The following GPD2 variants were observed in gnomAD, a reference collection of about 807,000 sequenced individuals.
GPD2 encodes glycerol-3-phosphate dehydrogenase, mitochondrial.
GPD2 carries 54 observed loss-of-function variants against 82.4 expected under a neutral mutation model. That is an observed-to-expected ratio of 0.66 (90% CI 0.53 to 0.82). The LOEUF is 0.82. GPD2 is among the 40% of genes least tolerant of loss of function. The pLI, the probability that GPD2 is intolerant of heterozygous loss-of-function variation, is 0.00. For missense variants in GPD2, 748 were observed against 896.2 expected (o/e 0.83, Z 2.11); for synonymous variants, 288 against 306.1 (o/e 0.94, Z 0.62).
In GPD2 at chr2:156,534,314, C is replaced by T. The variant is rs189036480; in HGVS notation, c.662-15294C>T. On this transcript the variant is annotated intron_variant, in intron 6 of 16. Coordinates refer to ENST00000438166, the MANE Select transcript of GPD2 (RefSeq NM_000408.5). ...CTTATCTGTTATCTGCTCATCTGCT[C>T]GAGGAGCCTGGGGTTTGGGGTTTAT... Among the ~76,000 whole-genome samples, 66 of 152,254 alleles carry T rather than the reference C, an allele frequency of 4.3e-4. No homozygotes were observed. The South Asian group carries it at 0.011, about 26-fold the overall frequency.
chr2:156,573,859 G>A (rs1687723837), intron 13 of GPD2, among the ~76,000 whole-genome samples: 1 of 152,056 alleles, frequency 6.6e-6, no homozygotes, highest in Non-Finnish European at 1.5e-5. Context: ...AAAGCATTGG[G>A]ATTATTTAAC....
intron 6 of GPD2, among the ~76,000 whole-genome samples, chr2:156,538,855 A>G (rs1267249612): frequency 6.7e-6 from 1 of 149,802 alleles, no homozygotes; most frequent in Non-Finnish European, 1.5e-5. Flanking sequence ...GATTTTGCCT[A>G]GTAACTATAG....
chr2:156,475,397 C>T (rs966590805), intron 1 of GPD2, among the ~76,000 whole-genome samples: 5 of 152,010 alleles, frequency 3.3e-5, no homozygotes, highest in African/African-American at 7.3e-5. Context: ...GGCATGATCT[C>T]GGCTCACTGC....
chr2:156,574,610 T>C (rs1372113211), intron 13 of GPD2, among the ~76,000 whole-genome samples: 1 of 152,002 alleles, frequency 6.6e-6, no homozygotes, highest in Non-Finnish European at 1.5e-5. Context: ...TTTTCAAAAT[T>C]GATTCCAATG....
At chr2:156,436,690 G>A (rs1681937058) in intron 1 of GPD2, 177 bp downstream of exon 1, 1 of 152,164 alleles carries the variant, frequency 6.6e-6, no homozygotes, top group Non-Finnish European at 1.5e-5. Context: ...TCTTCTCTAG[G>A]GTTTCGTTGT....
chr2:156,420,361 C>T, the GPD2 span, among the ~76,000 whole-genome samples: 1 of 151,944 alleles, frequency 6.6e-6, no homozygotes, highest in Non-Finnish European at 1.5e-5. Flanking sequence ...TTAGTAGAGA[C>T]AGGGTTTCAC....
At chr2:156,462,658 A>G (rs557918580) in intron 1 of GPD2, among the ~76,000 whole-genome samples, 1 of 152,250 alleles carries the variant, frequency 6.6e-6, no homozygotes, top group East Asian at 1.9e-4. Flanking sequence ...CACAGTGTGT[A>G]CAGCAAAATC....
At chr2:156,428,391 T>C in the GPD2 span, among the ~76,000 whole-genome samples, 4 of 152,210 alleles carry the variant, frequency 2.6e-5, no homozygotes, top group South Asian at 2.1e-4. Context: ...GGCAGGACTT[T>C]TGCTGTATTT....
At position 156,570,176 on chromosome 2, in the gene GPD2, T is replaced by TG. The variant is rs1321402882; in HGVS notation, c.1568dup (p.Val524SerfsTer11). 3 of 1,613,108 alleles carry TG rather than the reference T, an allele frequency of 1.9e-6. No homozygotes were observed. In the East Asian group the frequency reaches 6.7e-5, roughly 36 times the overall value. ...TGACTGGCAAAAGGTGGCCTATTGT[T>TG]GGAGTACGTCTTGTGTCAGAATTTC... On this transcript the variant is annotated frameshift_variant, in exon 12 of 17. Coordinates refer to ENST00000438166, the MANE Select transcript of GPD2 (RefSeq NM_000408.5). LOFTEE classifies it high-confidence loss of function.
At chr2:156,567,519 A>G (rs919317964) in intron 9 of GPD2, among the ~76,000 whole-genome samples, 11 of 152,168 alleles carry the variant, frequency 7.2e-5, no homozygotes, top group African/African-American at 2.7e-4. Context: ...AGGAGGGCAC[A>G]CATGACCCCA....
intron 1 of GPD2, among the ~76,000 whole-genome samples, chr2:156,470,824 TACAA>T (rs1197107222): frequency 6.6e-6 from 1 of 152,248 alleles, no homozygotes; most frequent in Non-Finnish European, 1.5e-5. Flanking sequence ...AGCAGTCAGG[TACAA>T]ACAAAGGTCA....
chr2:156,410,490 A>G, the GPD2 span, among the ~76,000 whole-genome samples: 1 of 152,206 alleles, frequency 6.6e-6, no homozygotes, highest in Non-Finnish European at 1.5e-5. Flanking sequence ...TATATTTACT[A>G]GTCATCTTAG....
Position 156,557,590 on chromosome 2 carries a change from A to G in GPD2, c.1165+8A>G, listed in dbSNP as rs768142893. ...TGAGTTGTGATGTTGAAGGTAACTA[A>G]GCATTCCTTTAAGTTTGTCTCTCTG... On this transcript the variant is annotated splice_region_variant and intron_variant, in intron 9 of 16. Transcript: ENST00000438166. 8.7e-6 allele frequency: 13 copies of G among 1,490,028 alleles called. No homozygotes were observed. The highest frequency in any genetic ancestry group is 1.2e-5 in the Non-Finnish European group (13 of 1,066,942). The allele number at this position is 1,490,028 out of a possible 1,614,324, so 92.3% of individuals were successfully genotyped here. A position where few individuals can be genotyped will look rare whatever the true frequency, so the allele number is the denominator to read the frequency against.
chr2:156,549,128 C>T (rs1161319630), intron 6 of GPD2, among the ~76,000 whole-genome samples: 1 of 152,124 alleles, frequency 6.6e-6, no homozygotes, highest in African/African-American at 2.4e-5. Context: ...CTGAGAAATG[C>T]TCTATGGAAG....
chr2:156,460,888 T>C (rs907677359), intron 1 of GPD2, among the ~76,000 whole-genome samples: 1 of 152,158 alleles, frequency 6.6e-6, no homozygotes, highest in Non-Finnish European at 1.5e-5. Flanking sequence ...TTGCAGTTGG[T>C]ATTTTTGCCT....
At chr2:156,504,522 T>G (rs1374375647) in intron 3 of GPD2, among the ~76,000 whole-genome samples, 1 of 152,118 alleles carries the variant, frequency 6.6e-6, no homozygotes, top group Non-Finnish European at 1.5e-5. Flanking sequence ...TCTCTGATAC[T>G]TATTTCAGAG....
At position 156,528,285 on chromosome 2, in the gene GPD2, C is replaced by G. The variant is rs536543398; in HGVS notation, c.661+14789C>G. On this transcript the variant is annotated intron_variant, in intron 6 of 16. Transcript: ENST00000438166. Reference sequence around the variant, plus strand: ...ATATGTGTATTTTTGCCTTTTTCCTCTGTCTTCTACTTGTATATTTCTTTT... The same window carrying G: ...ATATGTGTATTTTTGCCTTTTTCCTGTGTCTTCTACTTGTATATTTCTTTT... 2.0e-5 allele frequency among the ~76,000 whole-genome samples: 3 copies of G among 152,026 alleles called. No individual in the cohort carries two copies. In the South Asian group the frequency reaches 6.2e-4, roughly 32 times the overall value.
At chr2:156,538,810 G>T in intron 6 of GPD2, among the ~76,000 whole-genome samples, 1 of 96,292 alleles carries the variant, frequency 1.0e-5, no homozygotes. Flanking sequence ...AACAGAGCAA[G>T]ACTGCATCTC....
chr2:156,508,157 G>A (rs1684854340), intron 3 of GPD2, among the ~76,000 whole-genome samples: 1 of 152,026 alleles, frequency 6.6e-6, no homozygotes, highest in Admixed American at 6.6e-5. Flanking sequence ...GCTGGGTACT[G>A]TGGCTCTGCA....
Sources: allele counts gnomAD v4.1 joint callset (sites outside exome capture counted in the v4.1 genomes callset), GRCh38; gene constraint gnomAD v4.1.1; transcripts MANE v1.5; gene names NCBI Gene and HGNC (gene_info 2026-07-23, HGNC 2026-07-21).